Variants in LIPH observed in about 807,000 individuals in gnomAD.
LIPH encodes the protein lipase H.
In LIPH, 32 loss-of-function variants were observed where a neutral mutation model predicts 47.6. The ratio of observed to expected loss-of-function variants is 0.67; its 90% CI spans 0.51 to 0.90. The LOEUF is 0.90. Ranked by LOEUF, LIPH falls within the 40% of genes least tolerant of loss-of-function variation. The pLI, the probability that LIPH is intolerant of heterozygous loss-of-function variation, is 0.00. For synonymous variants in LIPH, 190 were observed against 195.6 expected (o/e 0.97, Z 0.24); for missense variants, 497 against 541.4 (o/e 0.92, Z 0.81).
intron 1 of LIPH, among the ~76,000 whole-genome samples, chr3:185,545,805 G>T (rs532752492): frequency 6.6e-6 from 1 of 152,250 alleles, no homozygotes; most frequent in Non-Finnish European, 1.5e-5. Flanking sequence ...TATTAGCTAT[G>T]TGACCCCTGG....
chr3:185,544,102 CCG>C (rs1244363365), intron 1 of LIPH, among the ~76,000 whole-genome samples: 2 of 152,054 alleles, frequency 1.3e-5, no homozygotes, highest in East Asian at 3.9e-4. Context: ...CCACCTGCCT[CCG>C]CCTCCCAAAG....
At chr3:185,538,087 T>C (rs1720556312) in intron 1 of LIPH, among the ~76,000 whole-genome samples, 1 of 152,200 alleles carries the variant, frequency 6.6e-6, no homozygotes, top group Non-Finnish European at 1.5e-5. Context: ...GATTACAGCA[T>C]GAGCCTCCAC....
chr3:185,526,534 TAAA>T, intron 4 of LIPH, among the ~76,000 whole-genome samples: 1 of 112,552 alleles, frequency 8.9e-6, no homozygotes. Context: ...AATAATAAAA[TAAA>T]ATAAAATAAA....
intron 1 of LIPH, among the ~76,000 whole-genome samples, chr3:185,538,969 T>A (rs1976857): frequency 0.29 from 42,811 of 146,804 alleles, 6,341 homozygotes; most frequent in African/African-American, 0.33. Flanking sequence ...ATATATATAT[T>A]TTTTTTTATT....
At chr3:185,551,043 G>A (rs575895760) in intron 1 of LIPH, among the ~76,000 whole-genome samples, 1 of 152,170 alleles carries the variant, frequency 6.6e-6, no homozygotes, top group African/African-American at 2.4e-5. Context: ...GCGCAGTGGC[G>A]CACTCCTGTA....
intron 3 of LIPH, among the ~76,000 whole-genome samples, chr3:185,532,861 G>A (rs933097205): frequency 1.3e-5 from 2 of 151,960 alleles, no homozygotes; most frequent in Non-Finnish European, 2.9e-5. Context: ...GGCCCTAAAA[G>A]TTTACCTCCT....
chr3:185,530,153 G>A (rs1451326511), intron 3 of LIPH, among the ~76,000 whole-genome samples: 1 of 152,126 alleles, frequency 6.6e-6, no homozygotes, highest in African/African-American at 2.4e-5. Flanking sequence ...ACTCCAGCCT[G>A]GGTGGCAAAG....
intron 1 of LIPH, among the ~76,000 whole-genome samples, chr3:185,536,907 T>C (rs755886662): frequency 1.3e-5 from 2 of 152,170 alleles, no homozygotes; most frequent in Non-Finnish European, 2.9e-5. Context: ...TTATTTGATA[T>C]GGAGTCTTGC....
Position 185,527,598 on chromosome 3 carries a change from C to T in LIPH, c.527-13G>A. ...GCAGGGTCGAGGCCTGGAAGGAAAA[C>T]AGAGTCACTTGGCAGCCCCACACCA... On this transcript the variant is annotated splice_polypyrimidine_tract_variant and intron_variant, in intron 3 of 9. Transcript: ENST00000296252. 6.4e-7 allele frequency: 1 copy of T among 1,566,056 alleles called. No homozygotes were observed. Among genetic ancestry groups the T allele is most frequent in the Non-Finnish European group, 8.8e-7 (1 of 1,138,286 alleles).
Position 185,524,111 on chromosome 3 carries a change from T to C in LIPH, c.678A>G (p.Gly226=). The change falls in exon 5 of 10, where the codon GGA becomes GGG. Residue 226 remains glycine (G), a synonymous_variant. Coordinates refer to ENST00000296252, the MANE Select transcript of LIPH (RefSeq NM_139248.3). ...TGGGGCAGCCAGGTTGATCCAATCC[T>C]CCATTTGGGTAGAAGTCTATGTTTC... The part of the protein sequence containing the change: ...PLGNIDFYPN[G]GLDQPGCPKT... The C allele has an allele frequency of 6.2e-7, 1 of 1,613,786 alleles. No homozygotes were observed. Among genetic ancestry groups the C allele is most frequent in the Non-Finnish European group, 8.5e-7 (1 of 1,179,662 alleles).
intron 9 of LIPH, among the ~76,000 whole-genome samples, chr3:185,510,283 C>T (rs1022808903): frequency 6.6e-6 from 1 of 152,166 alleles, no homozygotes; most frequent in Non-Finnish European, 1.5e-5. Context: ...TCACAAAGTA[C>T]TAACTACTCA....
At chr3:185,517,528 C>G (rs919505456) in intron 6 of LIPH, among the ~76,000 whole-genome samples, 1 of 152,220 alleles carries the variant, frequency 6.6e-6, no homozygotes, top group African/African-American at 2.4e-5. Flanking sequence ...AATAGCATCA[C>G]TCTTGAAAAC....
At chr3:185,520,729 C>T (rs1166909508) in intron 5 of LIPH, among the ~76,000 whole-genome samples, 2 of 152,104 alleles carry the variant, frequency 1.3e-5, no homozygotes, top group East Asian at 3.8e-4. Context: ...CCCTCATGCC[C>T]ATATCATCCC....
At chr3:185,533,980 G>A (rs538816547) in intron 2 of LIPH, among the ~76,000 whole-genome samples, 4 of 152,258 alleles carry the variant, frequency 2.6e-5, no homozygotes, top group Admixed American at 6.5e-5. Flanking sequence ...TCCCAGCCCC[G>A]TGGGAGGCCG....
At chr3:185,512,633 C>T (rs997622244) in intron 8 of LIPH, among the ~76,000 whole-genome samples, 1 of 151,748 alleles carries the variant, frequency 6.6e-6, no homozygotes, top group Non-Finnish European at 1.5e-5. Flanking sequence ...GGATTACAGG[C>T]ACCTGCCACC....
intron 7 of LIPH, among the ~76,000 whole-genome samples, chr3:185,515,469 G>T (rs1719702046): frequency 6.6e-6 from 1 of 151,748 alleles, no homozygotes; most frequent in South Asian, 2.1e-4. Flanking sequence ...ATCCTGGGCT[G>T]CCACACATGG....
At chr3:185,523,871 C>T (rs754581092) in intron 5 of LIPH, among the ~76,000 whole-genome samples, 200 bp downstream of exon 5, 6 of 151,826 alleles carry the variant, frequency 4.0e-5, no homozygotes, top group Non-Finnish European at 5.9e-5. Flanking sequence ...TACAGGCATG[C>T]GTCACCACAC....
chr3:185,535,695 C>T (rs756909055), intron 1 of LIPH, among the ~76,000 whole-genome samples: 6 of 152,080 alleles, frequency 3.9e-5, no homozygotes, highest in Non-Finnish European at 7.4e-5. Flanking sequence ...CTCCGCCTCC[C>T]GGGTTCAAGT....
intron 8 of LIPH, 38 bp downstream of exon 8, chr3:185,514,372 G>A (rs755393203): frequency 1.2e-6 from 1 of 866,190 alleles, no homozygotes; most frequent in Non-Finnish European, 2.0e-6. Context: ...GAGCAAAAAG[G>A]GAAATAGCGC....
Sources: allele counts gnomAD v4.1 joint callset (sites outside exome capture counted in the v4.1 genomes callset), GRCh38; gene constraint gnomAD v4.1.1; transcripts MANE v1.5; gene names NCBI Gene and HGNC (gene_info 2026-07-23, HGNC 2026-07-21).